VDAC1: variants seen among roughly 807,000 people sequenced by gnomAD.
The protein encoded by VDAC1 is non-selective voltage-gated ion channel VDAC1.
VDAC1 carries 10 observed loss-of-function variants against 34.7 expected under a neutral mutation model. That is an observed-to-expected ratio of 0.29 (90% CI 0.18 to 0.49). VDAC1 has a LOEUF of 0.49. Ranked by LOEUF, VDAC1 falls within the 20% of genes least tolerant of loss-of-function variation. The probability of loss-of-function intolerance (pLI) is 0.99; values close to 1 mark genes in which losing one functional copy is unlikely to be tolerated. For synonymous variants in VDAC1, 130 were observed against 136.0 expected (o/e 0.96, Z 0.30); for missense variants, 230 against 347.9 (o/e 0.66, Z 2.69).
chr5:134,113,746 CA>C, the VDAC1 span, among the ~76,000 whole-genome samples: 2 of 152,260 alleles, frequency 1.3e-5, no homozygotes, highest in African/African-American at 4.8e-5. Flanking sequence ...GGAATCCAGG[CA>C]CTTTCCCGCG....
chr5:134,050,950 G>A, the VDAC1 span, among the ~76,000 whole-genome samples: 1 of 152,182 alleles, frequency 6.6e-6, no homozygotes, highest in Non-Finnish European at 1.5e-5. Context: ...GCCTCTGGCG[G>A]TTCTTGAGGG....
chr5:134,091,288 C>T, the VDAC1 span, among the ~76,000 whole-genome samples: 1 of 152,204 alleles, frequency 6.6e-6, no homozygotes, highest in Non-Finnish European at 1.5e-5. Flanking sequence ...CCACATCCTT[C>T]CCCCTTCCTC....
chr5:134,050,333 C>T, the VDAC1 span, among the ~76,000 whole-genome samples: 1 of 152,104 alleles, frequency 6.6e-6, no homozygotes, highest in Non-Finnish European at 1.5e-5. Flanking sequence ...AGTACTTTAC[C>T]CTTCTACAGA....
chr5:134,033,623 CTAAT>C, the VDAC1 span, among the ~76,000 whole-genome samples: 5 of 148,814 alleles, frequency 3.4e-5, no homozygotes, highest in African/African-American at 1.0e-4. Context: ...ACCAATAATA[CTAAT>C]TAATTAATTA....
At chr5:134,089,407 T>C in the VDAC1 span, among the ~76,000 whole-genome samples, 1 of 152,240 alleles carries the variant, frequency 6.6e-6, no homozygotes, top group East Asian at 1.9e-4. Context: ...CCTTATGGTT[T>C]GCCCCTTATC....
Position 133,990,876 on chromosome 5 carries a change from G to A in VDAC1, c.302C>T (p.Ser101Leu), listed in dbSNP as rs1753078485. 3 of 1,563,202 alleles carry A rather than the reference G, an allele frequency of 1.9e-6. No homozygotes were observed. Among genetic ancestry groups the A allele is most frequent in the Non-Finnish European group, 2.6e-6 (3 of 1,153,374 alleles). ...TTACCCAGTGTTAGGTGAGAAGGATGAATCGAAGGTCAGCTTCAGTCCACG... is the reference window on the plus strand; with the variant it reads ...TTACCCAGTGTTAGGTGAGAAGGATAAATCGAAGGTCAGCTTCAGTCCACG... The part of the protein sequence containing the change: ...LARGLKLTFD[S>L]SFSPNTGKKN... Residue 101 changes from serine to leucine, a missense_variant, in exon 5 of 9, where the codon TCA becomes TTA. Physicochemically the swap from Ser to Leu is moderately radical, Grantham distance 145. Transcript: ENST00000265333.
At chr5:134,008,939 C>G (rs546879156), upstream of VDAC1, among the ~76,000 whole-genome samples, 2 of 152,116 alleles carry the variant, frequency 1.3e-5, no homozygotes, top group Non-Finnish European at 2.9e-5. Flanking sequence ...TCTCAGGCCA[C>G]ACTCCCCACA....
the VDAC1 span, among the ~76,000 whole-genome samples, chr5:134,038,512 C>T: frequency 6.6e-6 from 1 of 152,110 alleles, no homozygotes; most frequent in Non-Finnish European, 1.5e-5. Flanking sequence ...TATCCACGAC[C>T]CCCTCCCTCA....
At chr5:134,040,798 C>T in the VDAC1 span, among the ~76,000 whole-genome samples, 1 of 152,132 alleles carries the variant, frequency 6.6e-6, no homozygotes, top group South Asian at 2.1e-4. Context: ...AAGAACAACC[C>T]AGGCTATCCA....
chr5:134,020,872 G>A, the VDAC1 span, among the ~76,000 whole-genome samples: 3 of 152,006 alleles, frequency 2.0e-5, no homozygotes. Context: ...AAGCCTTCTG[G>A]GGAGGCCAGT....
the VDAC1 span, among the ~76,000 whole-genome samples, chr5:134,114,487 C>A: frequency 1.3e-5 from 2 of 152,120 alleles, no homozygotes; most frequent in African/African-American, 4.8e-5. Context: ...CCGTTAGAGT[C>A]TCTGCGTTTC....
At chr5:134,009,674 GTTTGT>G (rs919708083), upstream of VDAC1, among the ~76,000 whole-genome samples, 9 of 151,338 alleles carry the variant, frequency 5.9e-5, no homozygotes, top group African/African-American at 1.9e-4. Context: ...TCTTTTGTTT[GTTTGT>G]TTTGTTTTGT....
chr5:133,998,811 G>T (rs1462474388), intron 1 of VDAC1, among the ~76,000 whole-genome samples: 6 of 152,202 alleles, frequency 3.9e-5, no homozygotes, highest in Non-Finnish European at 8.8e-5. Context: ...GGGTGCACAA[G>T]AATCACCGGA....
chr5:134,112,555 T>C, the VDAC1 span, among the ~76,000 whole-genome samples: 13,651 of 152,154 alleles, frequency 0.09, 723 homozygotes, highest in Admixed American at 0.15. Context: ...TATGACCCCA[T>C]AGGACAGTTG....
At chr5:134,050,439 A>G in the VDAC1 span, among the ~76,000 whole-genome samples, 1 of 152,298 alleles carries the variant, frequency 6.6e-6, no homozygotes, top group East Asian at 1.9e-4. Flanking sequence ...TGCACTGAAG[A>G]GAAGCCCCAT....
chr5:134,109,770 C>CAAAAAAAAAAAAAAAAA, the VDAC1 span, among the ~76,000 whole-genome samples: 14 of 140,306 alleles, frequency 1.0e-4, no homozygotes, highest in Middle Eastern at 3.8e-3. Context: ...GGCTCCATCT[C>CAAAAAAAAAAAAAAAAA]AAAAAAAAAA....
chr5:134,110,945 T>C, the VDAC1 span, among the ~76,000 whole-genome samples: 1 of 152,230 alleles, frequency 6.6e-6, no homozygotes, highest in African/African-American at 2.4e-5. Flanking sequence ...TGACGTTACA[T>C]GAAGAGCCAA....
the VDAC1 span, among the ~76,000 whole-genome samples, chr5:134,079,140 T>C: frequency 3.3e-5 from 5 of 151,860 alleles, no homozygotes; most frequent in Middle Eastern, 3.4e-3. Flanking sequence ...CCATGCCCGG[T>C]TAATTTTGTT....
the VDAC1 span, among the ~76,000 whole-genome samples, chr5:134,031,271 A>G: frequency 6.6e-6 from 1 of 152,144 alleles, no homozygotes; most frequent in Non-Finnish European, 1.5e-5. Context: ...ACTTAGAGTA[A>G]GTCTACAGGG....
Sources: allele counts gnomAD v4.1 joint callset (sites outside exome capture counted in the v4.1 genomes callset), GRCh38; gene constraint gnomAD v4.1.1; transcripts MANE v1.5; gene names NCBI Gene and HGNC (gene_info 2026-07-23, HGNC 2026-07-21).